The following DLG2 variants were observed in gnomAD, a reference collection of about 807,000 sequenced individuals.
DLG2 encodes discs large MAGUK scaffold protein 2.
In DLG2, 45 loss-of-function variants were observed where a neutral mutation model predicts 132.5. That is an observed-to-expected ratio of 0.34 (90% confidence interval 0.27 to 0.44). DLG2 has a LOEUF of 0.44. DLG2 is among the 20% of genes least tolerant of loss of function. The pLI is 1.00. For missense variants in DLG2, 1,045 were observed against 1,196.9 expected (o/e 0.87, Z 1.87); for synonymous variants, 424 against 419.6 (o/e 1.01, Z -0.13).
intron 4 of DLG2, among the ~76,000 whole-genome samples, chr11:85,223,942 T>C (rs1036148056): frequency 1.3e-5 from 2 of 152,156 alleles, no homozygotes; most frequent in Non-Finnish European, 2.9e-5. Flanking sequence ...AAGAGGATTC[T>C]GGGACAGACT....
At chr11:84,662,917 T>C (rs1195490732) in intron 6 of DLG2, among the ~76,000 whole-genome samples, 1 of 151,952 alleles carries the variant, frequency 6.6e-6, no homozygotes, top group Non-Finnish European at 1.5e-5. Context: ...GTTAACAAAT[T>C]GGGGCATTTT....
chr11:83,934,633 A>C (rs2081059962), intron 14 of DLG2, among the ~76,000 whole-genome samples: 1 of 152,132 alleles, frequency 6.6e-6, no homozygotes, highest in Non-Finnish European at 1.5e-5. Context: ...GATAACAATG[A>C]GAGTGACTTA....
At chr11:85,534,843 G>A (rs115622944) in intron 3 of DLG2, among the ~76,000 whole-genome samples, 3 of 152,254 alleles carry the variant, frequency 2.0e-5, no homozygotes, top group African/African-American at 7.2e-5. Context: ...ATTTTCCCTT[G>A]GGTATGTATG....
chr11:83,947,211 A>G (rs570156591), intron 14 of DLG2, among the ~76,000 whole-genome samples: 1 of 151,174 alleles, frequency 6.6e-6, no homozygotes. Flanking sequence ...GGGGAATGCA[A>G]ATATTTGTGA....
chr11:84,752,538 A>G (rs2066269153), intron 6 of DLG2, among the ~76,000 whole-genome samples: 1 of 150,644 alleles, frequency 6.6e-6, no homozygotes. Flanking sequence ...ACTAGATAAC[A>G]TGGCTGCTTC....
intron 6 of DLG2, among the ~76,000 whole-genome samples, chr11:84,934,703 C>G (rs2048536997): frequency 6.6e-6 from 1 of 151,338 alleles, no homozygotes; most frequent in Non-Finnish European, 1.5e-5. Context: ...AAGATTGAAC[C>G]AGAAAGAAAT....
At chr11:84,516,584 A>G (rs1353254220) in intron 7 of DLG2, among the ~76,000 whole-genome samples, 3 of 151,662 alleles carry the variant, frequency 2.0e-5, no homozygotes, top group South Asian at 4.2e-4. Flanking sequence ...CTTCCATTAA[A>G]GAAAGCCCAG....
chr11:84,464,770 T>C (rs1430950), intron 7 of DLG2, among the ~76,000 whole-genome samples: 36,541 of 150,848 alleles, frequency 0.24, 4,648 homozygotes, highest in South Asian at 0.37. Flanking sequence ...TAAATAGATA[T>C]GAATAAGAGA....
At chr11:85,399,212 C>G (rs1481553990) in intron 3 of DLG2, among the ~76,000 whole-genome samples, 1 of 152,058 alleles carries the variant, frequency 6.6e-6, no homozygotes, top group South Asian at 2.1e-4. Flanking sequence ...ACCTAGGAAT[C>G]CAACTTCCAG....
At chr11:84,445,175 A>T (rs1339389166) in intron 7 of DLG2, among the ~76,000 whole-genome samples, 1 of 152,136 alleles carries the variant, frequency 6.6e-6, no homozygotes, top group Non-Finnish European at 1.5e-5. Context: ...ATCAGTCATT[A>T]TTATTATCAC....
chr11:84,985,202 C>A (rs2056317593), intron 6 of DLG2, among the ~76,000 whole-genome samples: 1 of 152,160 alleles, frequency 6.6e-6, no homozygotes, highest in Admixed American at 6.5e-5. Flanking sequence ...ATGGAACTTT[C>A]TCTCAGGTAG....
chr11:83,754,196 A>G (rs992938766), intron 18 of DLG2, among the ~76,000 whole-genome samples: 2 of 150,866 alleles, frequency 1.3e-5, no homozygotes, highest in Non-Finnish European at 2.9e-5. Context: ...ACCCCCGCAA[A>G]AAACAAACAA....
intron 14 of DLG2, among the ~76,000 whole-genome samples, chr11:83,933,138 T>G (rs1369751409): frequency 6.6e-6 from 1 of 152,206 alleles, no homozygotes; most frequent in African/African-American, 2.4e-5. Flanking sequence ...AAACCATCAC[T>G]GAAATCTGGG....
rs111654491 is a variant in DLG2 at position 84,063,700 on chromosome 11, C to T, written c.750-4216G>A. On this transcript the variant is annotated intron_variant, in intron 10 of 27. Transcript: ENST00000376104. ...GCGGCACTATTCACAATAGCAAAGACTTGGAACCAACCCAAATGTCCATCA... is the reference window on the plus strand; with the variant it reads ...GCGGCACTATTCACAATAGCAAAGATTTGGAACCAACCCAAATGTCCATCA... 4.0e-3 allele frequency among the ~76,000 whole-genome samples: 614 copies of T among 152,206 alleles called. 4 individuals carry two copies. The highest frequency in any genetic ancestry group is 0.014 in the African/African-American group (566 of 41,530).
chr11:84,096,383 A>G (rs1468227475), intron 10 of DLG2, among the ~76,000 whole-genome samples: 1 of 152,182 alleles, frequency 6.6e-6, no homozygotes, highest in Non-Finnish European at 1.5e-5. Context: ...GAATGAATGA[A>G]GTTTCTAGCA....
intron 3 of DLG2, among the ~76,000 whole-genome samples, chr11:85,462,207 G>C (rs546609490): frequency 6.6e-6 from 1 of 152,112 alleles, no homozygotes; most frequent in Non-Finnish European, 1.5e-5. Context: ...TTGGTGGGAC[G>C]GTAAACTAGT....
At chr11:83,884,368 T>C (rs575302546) in intron 15 of DLG2, among the ~76,000 whole-genome samples, 18 of 152,104 alleles carry the variant, frequency 1.2e-4, no homozygotes, top group Admixed American at 6.5e-4. Context: ...GATTAAACTG[T>C]AAGGCGGCAG....
chr11:84,727,437 T>G (rs943779011), intron 6 of DLG2, among the ~76,000 whole-genome samples: 1 of 152,176 alleles, frequency 6.6e-6, no homozygotes, highest in Non-Finnish European at 1.5e-5. Context: ...GCCTCTGTTC[T>G]GTTCCATTGG....
intron 6 of DLG2, among the ~76,000 whole-genome samples, chr11:84,657,343 T>C (rs1296898802): frequency 2.6e-5 from 4 of 152,090 alleles, no homozygotes; most frequent in Non-Finnish European, 5.9e-5. Context: ...CAGACAGAAA[T>C]GCTGTAAGGA....
Sources: gnomAD v4.1 joint callset for allele counts (sites outside exome capture counted in the v4.1 genomes callset) on GRCh38, gnomAD v4.1.1 for gene constraint, MANE v1.5 for transcripts, NCBI Gene and HGNC (gene_info 2026-07-23, HGNC 2026-07-21) for gene names.